GRIK2: variants seen among roughly 807,000 people sequenced by gnomAD.
The protein encoded by GRIK2 is glutamate ionotropic receptor kainate type subunit 2.
A neutral mutation model predicts 100.3 loss-of-function variants in GRIK2; 32 were observed. The ratio of observed to expected loss-of-function variants is 0.32; its 90% CI spans 0.24 to 0.43. The LOEUF is 0.43. Ranked by LOEUF, GRIK2 falls within the 20% of genes least tolerant of loss-of-function variation. The pLI is 1.00. For synonymous variants in GRIK2, 417 were observed against 389.4 expected (o/e 1.07, Z -0.83); for missense variants, 843 against 1,114.9 (o/e 0.76, Z 3.47).
intron 4 of GRIK2, among the ~76,000 whole-genome samples, chr6:101,644,319 A>G (rs2128325703): frequency 6.6e-6 from 1 of 151,866 alleles, no homozygotes; most frequent in East Asian, 1.9e-4. Context: ...AGTAGGTAAG[A>G]TAGGAAATGC....
intron 2 of GRIK2, among the ~76,000 whole-genome samples, chr6:101,548,152 CTTT>C (rs1776339489): frequency 1.3e-5 from 2 of 152,040 alleles, no homozygotes; most frequent in Non-Finnish European, 2.9e-5. Context: ...CCTTCGCCCA[CTTT>C]TTGATGGGGT....
At position 101,583,681 on chromosome 6, in the gene GRIK2, A is replaced by G. The variant is rs544953010; in HGVS notation, c.116-38268A>G. ...TTTCCACATAGAAAAGTATTATTGCAAAGTAGCCCATTGTTATATTTTGAC... is the reference window on the plus strand; with the variant it reads ...TTTCCACATAGAAAAGTATTATTGCGAAGTAGCCCATTGTTATATTTTGAC... On this transcript the variant is annotated intron_variant, in intron 2 of 16. Transcript: ENST00000369134. 2.6e-5 allele frequency among the ~76,000 whole-genome samples: 4 copies of G among 152,260 alleles called. No individual in the cohort carries two copies. In the East Asian group the frequency reaches 7.7e-4, roughly 29 times the overall value.
chr6:101,742,039 G>T (rs1046959783), intron 7 of GRIK2, among the ~76,000 whole-genome samples: 9 of 152,132 alleles, frequency 5.9e-5, no homozygotes, highest in Non-Finnish European at 1.2e-4. Flanking sequence ...ATGCCCTAGT[G>T]GTAACAGCCT....
At chr6:101,496,918 A>C (rs556316915) in intron 2 of GRIK2, among the ~76,000 whole-genome samples, 2 of 152,264 alleles carry the variant, frequency 1.3e-5, no homozygotes, top group East Asian at 3.9e-4. Context: ...TTGCTTGATG[A>C]CCCATGGTTT....
intron 14 of GRIK2, among the ~76,000 whole-genome samples, chr6:102,028,421 T>C (rs747529895): frequency 1.2e-4 from 18 of 151,334 alleles, no homozygotes; most frequent in Admixed American, 1.3e-4. Context: ...GGCATTTTTA[T>C]AAAATAAACA....
At chr6:101,546,809 G>T (rs9390760) in intron 2 of GRIK2, among the ~76,000 whole-genome samples, 25,358 of 107,888 alleles carry the variant, frequency 0.24, 2,801 homozygotes, top group South Asian at 0.4. Context: ...CAACTCTCAT[G>T]TTTTTGTTTC....
intron 2 of GRIK2, among the ~76,000 whole-genome samples, chr6:101,542,489 T>TG (rs397745233): frequency 0.028 from 2 of 72 alleles, no homozygotes; most frequent in Non-Finnish European, 0.05. Context: ...AGCAAGAAGG[T>TG]GTTTTGATGC....
chr6:101,737,784 C>G (rs1775746062), intron 7 of GRIK2, among the ~76,000 whole-genome samples: 1 of 152,100 alleles, frequency 6.6e-6, no homozygotes, highest in South Asian at 2.1e-4. Flanking sequence ...TTACATCTGT[C>G]TACAAAGTGA....
At chr6:101,466,123 G>A (rs2128254053) in intron 2 of GRIK2, among the ~76,000 whole-genome samples, 1 of 152,190 alleles carries the variant, frequency 6.6e-6, no homozygotes, top group Non-Finnish European at 1.5e-5. Flanking sequence ...GTCATTGCCA[G>A]TGTTGTGGCA....
intron 2 of GRIK2, among the ~76,000 whole-genome samples, chr6:101,532,065 A>G (rs1292036639): frequency 6.6e-6 from 1 of 151,794 alleles, no homozygotes; most frequent in Non-Finnish European, 1.5e-5. Flanking sequence ...AAGACTCTCA[A>G]TTTCTCAGGT....
At chr6:101,439,697 G>C (rs1008021923) in intron 2 of GRIK2, among the ~76,000 whole-genome samples, 1 of 151,950 alleles carries the variant, frequency 6.6e-6, no homozygotes, top group Non-Finnish European at 1.5e-5. Flanking sequence ...AAATGGAAAT[G>C]CATTGTAGTT....
At chr6:101,721,214 T>G (rs1337563319) in intron 7 of GRIK2, among the ~76,000 whole-genome samples, 1 of 151,786 alleles carries the variant, frequency 6.6e-6, no homozygotes, top group African/African-American at 2.4e-5. Context: ...CTCTTTTCTA[T>G]TCTAAAAGGC....
At chr6:101,748,629 T>G (rs9485540) in intron 7 of GRIK2, among the ~76,000 whole-genome samples, 33,335 of 151,864 alleles carry the variant, frequency 0.22, 4,939 homozygotes, top group African/African-American at 0.41. Flanking sequence ...GCTTATTGAT[T>G]TATGTATCAC....
chr6:101,955,489 T>G (rs1383979508), intron 14 of GRIK2, among the ~76,000 whole-genome samples: 1 of 151,578 alleles, frequency 6.6e-6, no homozygotes, highest in Non-Finnish European at 1.5e-5. Flanking sequence ...AGTTCCCATA[T>G]CTAAAAGAGA....
At chr6:101,922,049 C>A (rs993546999) in intron 12 of GRIK2, among the ~76,000 whole-genome samples, 1 of 151,478 alleles carries the variant, frequency 6.6e-6, no homozygotes, top group African/African-American at 2.4e-5. Flanking sequence ...TCAGTGTTCC[C>A]AGATTCTTCC....
intron 2 of GRIK2, among the ~76,000 whole-genome samples, chr6:101,538,056 C>T (rs1775801124): frequency 6.6e-6 from 1 of 151,678 alleles, no homozygotes; most frequent in Admixed American, 6.6e-5. Context: ...CATTTGAAAC[C>T]AACAAGACTG....
At chr6:101,993,453 A>G (rs1456090499) in intron 14 of GRIK2, 3 of 151,502 alleles carry the variant, frequency 2.0e-5, no homozygotes, top group East Asian at 3.9e-4. Context: ...GAAAGTTGAC[A>G]TGGTAAACTA....
chr6:101,727,569 T>C (rs1774960453), intron 7 of GRIK2, among the ~76,000 whole-genome samples: 1 of 152,142 alleles, frequency 6.6e-6, no homozygotes, highest in African/African-American at 2.4e-5. Context: ...TGTTGTACAT[T>C]ATCTTTCAAC....
Position 102,068,873 on chromosome 6 carries a change from A to G in GRIK2, c.*362A>G, listed in dbSNP as rs1173994654. On this transcript the variant is annotated 3_prime_UTR_variant, in exon 17 of 17. Transcript: ENST00000369134. Reference sequence around the variant, plus strand: ...ATGGAATATCAATGCCCAACAGGGCAACCAATAAAAGTGTCACTAAGAATA... The same window carrying G: ...ATGGAATATCAATGCCCAACAGGGCGACCAATAAAAGTGTCACTAAGAATA... The G allele has an allele frequency of 5.6e-6, 1 of 178,990 alleles. No individual in the cohort carries two copies. Among genetic ancestry groups the G allele is most frequent in the Non-Finnish European group, 1.2e-5 (1 of 84,238 alleles). The allele number at this position is 178,990 out of a possible 1,614,324, so 11.1% of individuals were successfully genotyped here. A position where few individuals can be genotyped will look rare whatever the true frequency, so the allele number is the denominator to read the frequency against.
Sources: allele counts gnomAD v4.1 joint callset (sites outside exome capture counted in the v4.1 genomes callset), GRCh38; gene constraint gnomAD v4.1.1; transcripts MANE v1.5; gene names NCBI Gene and HGNC (gene_info 2026-07-23, HGNC 2026-07-21).